Variants in CNTNAP5 observed in about 807,000 individuals in gnomAD.
CNTNAP5 encodes the protein contactin-associated protein-like 5.
A neutral mutation model predicts 150.2 loss-of-function variants in CNTNAP5; 72 were observed. The observed-to-expected ratio is 0.48, with a 90% CI of 0.40 to 0.58. The LOEUF (loss-of-function observed/expected upper bound fraction) is 0.58, where lower values mean the gene tolerates loss of function less well. Ranked by LOEUF, CNTNAP5 falls within the 20% of genes least tolerant of loss-of-function variation. The probability of loss-of-function intolerance (pLI) is 0.00; values close to 1 mark genes in which losing one functional copy is unlikely to be tolerated. For synonymous variants in CNTNAP5, 672 were observed against 619.8 expected (o/e 1.08, Z -1.25); for missense variants, 1,636 against 1,626.2 (o/e 1.01, Z -0.10).
At chr2:124,873,019 C>T (rs7565957) in intron 21 of CNTNAP5, among the ~76,000 whole-genome samples, 2,372 of 152,060 alleles carry the variant, frequency 0.016, 58 homozygotes, top group African/African-American at 0.054. Context: ...TTTGGCATTG[C>T]CATAAATACT....
At chr2:124,587,010 G>A (rs1012394951) in intron 11 of CNTNAP5, among the ~76,000 whole-genome samples, 16 of 152,142 alleles carry the variant, frequency 1.1e-4, no homozygotes, top group Non-Finnish European at 2.1e-4. Context: ...ACAAGTCAGA[G>A]TCCTGTTCTG....
chr2:124,714,777 AT>A (rs1157955315), intron 13 of CNTNAP5, among the ~76,000 whole-genome samples: 1 of 151,900 alleles, frequency 6.6e-6, no homozygotes, highest in Admixed American at 6.6e-5. Flanking sequence ...TATAATCTAT[AT>A]TTTACTGGGG....
rs192807788 is a variant in CNTNAP5 at position 124,259,365 on chromosome 2, A to T, written c.381+16972A>T. 2.0e-5 allele frequency among the ~76,000 whole-genome samples: 3 copies of T among 152,274 alleles called. No homozygotes were observed. The East Asian group carries it at 5.8e-4, about 29-fold the overall frequency. ...CAGCATGATTTATAATCCATTGGGT[A>T]TATACCCAGTAATGGGATGGCTGTG... On this transcript the variant is annotated intron_variant, in intron 3 of 23. Transcript: ENST00000682447.
chr2:124,586,088 A>G (rs565335950), intron 11 of CNTNAP5, among the ~76,000 whole-genome samples: 93 of 152,272 alleles, frequency 6.1e-4, no homozygotes, highest in Middle Eastern at 3.4e-3. Context: ...GCAACTTCCT[A>G]TAGTAGGACT....
At chr2:124,796,712 C>T (rs1681853713) in intron 18 of CNTNAP5, among the ~76,000 whole-genome samples, 1 of 152,146 alleles carries the variant, frequency 6.6e-6, no homozygotes, top group Non-Finnish European at 1.5e-5. Flanking sequence ...ATTGTAGGTG[C>T]CACTAACTCA....
chr2:124,644,807 G>A (rs556621704), intron 12 of CNTNAP5, among the ~76,000 whole-genome samples: 1 of 152,218 alleles, frequency 6.6e-6, no homozygotes, highest in East Asian at 1.9e-4. Flanking sequence ...CAACTCAGGG[G>A]CTCTAGGTTT....
intron 11 of CNTNAP5, among the ~76,000 whole-genome samples, chr2:124,569,060 T>C (rs2421090): frequency 1.3e-5 from 2 of 151,536 alleles, no homozygotes; most frequent in African/African-American, 2.4e-5. Context: ...AAGAAAAAAA[T>C]ATATATATAT....
chr2:124,224,696 A>T (rs758947702), intron 2 of CNTNAP5, among the ~76,000 whole-genome samples: 17 of 152,106 alleles, frequency 1.1e-4, no homozygotes, highest in Non-Finnish European at 2.2e-4. Flanking sequence ...AAATATATAC[A>T]TATGTGGTAT....
rs777152019 is a variant in CNTNAP5, at chr2:124,793,663, C to T, written c.2992+3522C>T. On this transcript the variant is annotated intron_variant, in intron 18 of 23. Transcript: ENST00000682447. ...ATAGTTTTAGCTCTCACAGTTAGGT[C>T]TTTGATGCATTATGAGTGAATTTTC... Among the ~76,000 whole-genome samples, 10 of 152,080 alleles carry T rather than the reference C, an allele frequency of 6.6e-5. No individual in the cohort carries two copies. The South Asian group carries it at 1.2e-3, about 19-fold the overall frequency.
intron 13 of CNTNAP5, among the ~76,000 whole-genome samples, chr2:124,655,986 A>G (rs1279047513): frequency 1.3e-5 from 2 of 148,968 alleles, no homozygotes; most frequent in Admixed American, 6.7e-5. Flanking sequence ...AAAGAAAGAA[A>G]GAAAGAAAGA....
intron 22 of CNTNAP5, among the ~76,000 whole-genome samples, chr2:124,908,706 T>C (rs1303871602): frequency 6.6e-6 from 1 of 152,168 alleles, no homozygotes; most frequent in Non-Finnish European, 1.5e-5. Context: ...GTGGTACCTC[T>C]TGCATATTGT....
intron 3 of CNTNAP5, among the ~76,000 whole-genome samples, chr2:124,341,842 TGTG>T (rs1315979543): frequency 1.3e-5 from 2 of 152,134 alleles, no homozygotes; most frequent in African/African-American, 4.8e-5. Context: ...AATAAGCTGT[TGTG>T]GTGATTTCCC....
chr2:124,250,924 G>C (rs1027658776), intron 3 of CNTNAP5, among the ~76,000 whole-genome samples: 2 of 152,100 alleles, frequency 1.3e-5, no homozygotes, highest in East Asian at 1.9e-4. Context: ...TCTTAAGTAC[G>C]GTTTCCAGTT....
chr2:124,771,230 G>A (rs951377711), intron 16 of CNTNAP5, among the ~76,000 whole-genome samples: 1 of 152,108 alleles, frequency 6.6e-6, no homozygotes, highest in Admixed American at 6.6e-5. Context: ...TCCTATTTTA[G>A]GGGGTAGAGG....
chr2:124,659,424 T>C (rs1239238180), intron 13 of CNTNAP5, among the ~76,000 whole-genome samples: 1 of 152,128 alleles, frequency 6.6e-6, no homozygotes, highest in Admixed American at 6.6e-5. Context: ...TTTTAGCCTC[T>C]GAATAAAAAA....
At chr2:124,661,507 T>TTA (rs1169486508) in intron 13 of CNTNAP5, among the ~76,000 whole-genome samples, 10 of 152,160 alleles carry the variant, frequency 6.6e-5, no homozygotes, top group Non-Finnish European at 1.2e-4. Context: ...CTGTTGTCTC[T>TTA]TATTATAACA....
At chr2:124,548,507 C>T (rs1437092965) in intron 10 of CNTNAP5, among the ~76,000 whole-genome samples, 2 of 152,176 alleles carry the variant, frequency 1.3e-5, no homozygotes, top group Admixed American at 6.5e-5. Context: ...GAAGTGTAAC[C>T]TTTGTTTTCA....
At chr2:124,097,570 C>T (rs550880938) in intron 1 of CNTNAP5, among the ~76,000 whole-genome samples, 41 of 152,172 alleles carry the variant, frequency 2.7e-4, no homozygotes, top group Non-Finnish European at 4.3e-4. Context: ...CCTGTGTGGT[C>T]CTTAGCATGC....
intron 1 of CNTNAP5, among the ~76,000 whole-genome samples, chr2:124,160,080 G>A (rs1881793): frequency 0.91 from 138,794 of 152,148 alleles, 63,542 homozygotes; most frequent in Admixed American, 0.95. Flanking sequence ...ATAAGAAATC[G>A]ATTCACATGA....
Sources: allele counts gnomAD v4.1 joint callset (sites outside exome capture counted in the v4.1 genomes callset), GRCh38; gene constraint gnomAD v4.1.1; transcripts MANE v1.5; gene names NCBI Gene and HGNC (gene_info 2026-07-23, HGNC 2026-07-21).